Variants in ATXN7 observed in about 807,000 individuals in gnomAD.
The protein encoded by ATXN7 is ataxin 7.
In ATXN7, 12 loss-of-function variants were observed where a neutral mutation model predicts 70.5. That is an observed-to-expected ratio of 0.17 (90% CI 0.11 to 0.28). The LOEUF is 0.28. Among genes scored for constraint, ATXN7 ranks in the 10% least tolerant of loss-of-function variants. The pLI, the probability that ATXN7 is intolerant of heterozygous loss-of-function variation, is 1.00. For missense variants in ATXN7, 1,256 were observed against 1,131.7 expected (o/e 1.11, Z -1.58); for synonymous variants, 498 against 448.7 (o/e 1.11, Z -1.39).
chr3:63,896,146 A>C (rs570173612), intron 1 of ATXN7, among the ~76,000 whole-genome samples: 1 of 152,236 alleles, frequency 6.6e-6, no homozygotes, highest in Non-Finnish European at 1.5e-5. Context: ...AAGGGTCAAC[A>C]TAGGCTAGGG....
chr3:63,955,474 C>T (rs1359738710), intron 5 of ATXN7, among the ~76,000 whole-genome samples: 1 of 152,134 alleles, frequency 6.6e-6, no homozygotes, highest in Non-Finnish European at 1.5e-5. Context: ...AGTGACACCC[C>T]ACTTACTTGG....
At chr3:63,958,268 A>G (rs2075069927) in intron 5 of ATXN7, among the ~76,000 whole-genome samples, 1 of 152,220 alleles carries the variant, frequency 6.6e-6, no homozygotes, top group Non-Finnish European at 1.5e-5. Context: ...AGATGCTATC[A>G]TAAATTATAT....
chr3:63,915,228 T>A (rs1402360222), intron 4 of ATXN7, among the ~76,000 whole-genome samples: 1 of 152,124 alleles, frequency 6.6e-6, no homozygotes, highest in East Asian at 1.9e-4. Flanking sequence ...AGCCACCGCC[T>A]GGCCCTTGTT....
At chr3:63,867,747 T>C (rs832192) in intron 1 of ATXN7, among the ~76,000 whole-genome samples, 130,279 of 151,964 alleles carry the variant, frequency 0.86, 56,045 homozygotes, top group Admixed American at 0.91. Context: ...AAAAATTATC[T>C]AGGCGTGGTG....
chr3:63,936,253 A>T (rs1559638381), intron 4 of ATXN7, among the ~76,000 whole-genome samples: 1 of 151,554 alleles, frequency 6.6e-6, no homozygotes, highest in Admixed American at 6.6e-5. Context: ...AATTATATGG[A>T]TTTTTTTTTC....
intron 1 of ATXN7, among the ~76,000 whole-genome samples, chr3:63,892,496 CA>C (rs1424705561): frequency 1.5e-4 from 20 of 133,624 alleles, no homozygotes; most frequent in Non-Finnish European, 2.6e-4. Context: ...CACACACACC[CA>C]CACACACACA....
intron 5 of ATXN7, among the ~76,000 whole-genome samples, chr3:63,955,263 T>G (rs2075021572): frequency 6.6e-6 from 1 of 152,030 alleles, no homozygotes; most frequent in Non-Finnish European, 1.5e-5. Context: ...ATTAAAGATA[T>G]GAGAGAGGAG....
At chr3:63,998,057 C>G in intron 12 of ATXN7, 4 of 985,360 alleles carry the variant, frequency 4.1e-6, no homozygotes, top group Non-Finnish European at 4.8e-6. Flanking sequence ...TTCAACGCAC[C>G]GTCTTTGAGA....
chr3:63,981,017 C>T (rs1406150816), intron 6 of ATXN7, among the ~76,000 whole-genome samples: 1 of 152,212 alleles, frequency 6.6e-6, no homozygotes, highest in African/African-American at 2.4e-5. Context: ...TTCGCCTTGT[C>T]ATGGCATCCC....
chr3:63,973,848 G>A (rs1575972470), intron 5 of ATXN7, among the ~76,000 whole-genome samples: 1 of 152,118 alleles, frequency 6.6e-6, no homozygotes, highest in East Asian at 1.9e-4. Flanking sequence ...CCTGCTGATT[G>A]GTTTGTGAGT....
rs1482970632 is a variant in ATXN7 at position 63,864,103 on chromosome 3, AGCCCCCGCCCG to A, written c.-161_-151del. Among the ~76,000 whole-genome samples, 3 of 144,898 alleles carry A rather than the reference AGCCCCCGCCCG, an allele frequency of 2.1e-5. No homozygotes were observed. The highest frequency in any genetic ancestry group is 7.5e-5 in the African/African-American group (3 of 40,234). On this transcript the variant is annotated 5_prime_UTR_variant, in exon 1 of 13. The change creates a premature stop within an existing upstream ORF in the 5' untranslated region. Coordinates refer to ENST00000674280, the MANE Select transcript of ATXN7 (RefSeq NM_001377405.1). ...CCCGGGCTCCCGCCGCCCCCCTTGC[AGCCCCCGCCCG>A]GCCCACGCCCAGAGGCCGCCCCGGA...
chr3:63,927,365 A>G (rs1425803077), intron 4 of ATXN7, among the ~76,000 whole-genome samples: 3 of 152,212 alleles, frequency 2.0e-5, no homozygotes, highest in Non-Finnish European at 4.4e-5. Flanking sequence ...TATAAATGCC[A>G]GGTAGAAGGA....
intron 1 of ATXN7, among the ~76,000 whole-genome samples, chr3:63,888,602 C>A (rs1703158189): frequency 6.6e-6 from 1 of 152,042 alleles, no homozygotes; most frequent in Non-Finnish European, 1.5e-5. Flanking sequence ...CATGGTGAAA[C>A]CCTGTCTCTA....
chr3:63,943,952 T>G (rs1006240502), intron 4 of ATXN7, among the ~76,000 whole-genome samples: 1 of 152,198 alleles, frequency 6.6e-6, no homozygotes, highest in African/African-American at 2.4e-5. Context: ...ACCTTCTGGA[T>G]CTTGTGGTTT....
At chr3:63,919,016 G>T (rs1704398869) in intron 4 of ATXN7, among the ~76,000 whole-genome samples, 1 of 147,030 alleles carries the variant, frequency 6.8e-6, no homozygotes, top group Non-Finnish European at 1.5e-5. Flanking sequence ...ACGCGTAGGT[G>T]CAGGAACCCC....
chr3:64,002,284 C>T lies in ATXN7; in HGVS notation c.*2817C>T, dbSNP rs928589622. 6.6e-6 allele frequency: 1 copy of T among 152,222 alleles called. No homozygotes were observed. Among genetic ancestry groups the T allele is most frequent in the African/African-American group, 2.4e-5 (1 of 41,286 alleles). The allele number at this position is 152,222 out of a possible 1,614,324, so 9.4% of individuals were successfully genotyped here. On this transcript the variant is annotated 3_prime_UTR_variant, in exon 13 of 13. Coordinates refer to ENST00000674280, the MANE Select transcript of ATXN7 (RefSeq NM_001377405.1). ...TAATTTGAAGTGGTTCACTGCCAAG[C>T]CAATAGTTCTAGAACCTGCCTCCTT...
chr3:63,891,684 T>C (rs944040874), intron 1 of ATXN7, among the ~76,000 whole-genome samples: 5 of 152,170 alleles, frequency 3.3e-5, no homozygotes, highest in Non-Finnish European at 7.3e-5. Flanking sequence ...CTGCAATGAA[T>C]ATTGGGAAAT....
intron 4 of ATXN7, among the ~76,000 whole-genome samples, chr3:63,920,915 A>G (rs1704487166): frequency 6.6e-6 from 1 of 152,230 alleles, no homozygotes; most frequent in African/African-American, 2.4e-5. Flanking sequence ...CAGTATTTCT[A>G]ATAAATGTGC....
intron 1 of ATXN7, among the ~76,000 whole-genome samples, chr3:63,889,100 A>G (rs1225240886): frequency 1.3e-5 from 2 of 152,154 alleles, no homozygotes; most frequent in Non-Finnish European, 2.9e-5. Flanking sequence ...CTGTGTTGCT[A>G]TATTTGAACA....
Sources: gnomAD v4.1 joint callset for allele counts (sites outside exome capture counted in the v4.1 genomes callset) on GRCh38, gnomAD v4.1.1 for gene constraint, MANE v1.5 for transcripts, NCBI Gene and HGNC (gene_info 2026-07-23, HGNC 2026-07-21) for gene names.